The following RAB3GAP2 variants were observed in gnomAD, a reference collection of about 807,000 sequenced individuals.
RAB3GAP2 encodes RAB3 GTPase activating non-catalytic protein subunit 2.
In RAB3GAP2, 87 loss-of-function variants were observed where a neutral mutation model predicts 185.3. That is an observed-to-expected ratio of 0.47 (90% CI 0.39 to 0.56). The LOEUF (loss-of-function observed/expected upper bound fraction) is 0.56. Among genes scored for constraint, RAB3GAP2 ranks in the 20% least tolerant of loss-of-function variants. The pLI is 0.00. For missense variants in RAB3GAP2, 1,492 were observed against 1,638.2 expected (o/e 0.91, Z 1.54); for synonymous variants, 554 against 576.1 (o/e 0.96, Z 0.55).
At chr1:220,246,376 T>A (rs922201366) in intron 1 of RAB3GAP2, among the ~76,000 whole-genome samples, 2 of 146,954 alleles carry the variant, frequency 1.4e-5, no homozygotes, top group African/African-American at 5.1e-5. Flanking sequence ...TCCTCAGGGA[T>A]CTAGAACTAG....
At chr1:220,184,299 A>C in intron 18 of RAB3GAP2, 136 bp from the exon 19 acceptor site, 1 of 711,294 alleles carries the variant, frequency 1.4e-6, no homozygotes, top group South Asian at 3.1e-5. Flanking sequence ...TGCTTAAGCT[A>C]TACCAGGTTT....
intron 1 of RAB3GAP2, among the ~76,000 whole-genome samples, chr1:220,265,522 A>C (rs1660212777): frequency 6.6e-6 from 1 of 152,016 alleles, no homozygotes; most frequent in African/African-American, 2.4e-5. Flanking sequence ...TTTTTGCCCA[A>C]CCCAACTGTA....
rs1436202662 is a variant in RAB3GAP2, at chr1:220,158,845, G to A, written c.3261+541C>T. On this transcript the variant is annotated intron_variant, in intron 29 of 34. Transcript: ENST00000358951. The surrounding 1 kb of genome is among the most constrained non-coding windows in gnomAD (Gnocchi z 4.3). ...CACACACACATGCATGCACACACAC[G>A]TACACACTCTAGTCATACAACCATT... 1.3e-5 allele frequency among the ~76,000 whole-genome samples: 2 copies of A among 152,046 alleles called. No individual in the cohort carries two copies. The highest frequency in any genetic ancestry group is 1.9e-4 in the East Asian group (1 of 5,202).
chr1:220,157,006 AT>A (rs1234312024), intron 31 of RAB3GAP2, among the ~76,000 whole-genome samples: 1 of 152,060 alleles, frequency 6.6e-6, no homozygotes, highest in African/African-American at 2.4e-5. Context: ...AGGCCTAGAG[AT>A]ATATAAGAGG....
At chr1:220,253,973 A>G in intron 1 of RAB3GAP2, 2 of 1,613,796 alleles carry the variant, frequency 1.2e-6, no homozygotes, top group Admixed American at 1.7e-5. Flanking sequence ...CCTCCTTGGA[A>G]GAAAAGGGCC....
intron 1 of RAB3GAP2, among the ~76,000 whole-genome samples, chr1:220,243,295 AGT>A (rs1659732948): frequency 6.6e-6 from 1 of 151,120 alleles, no homozygotes; most frequent in Admixed American, 6.6e-5. Context: ...CAGAGCTTGC[AGT>A]AAGCCGAGAT....
chr1:220,216,105 A>T (rs1184531532), intron 2 of RAB3GAP2, among the ~76,000 whole-genome samples: 2 of 152,120 alleles, frequency 1.3e-5, no homozygotes, highest in Non-Finnish European at 2.9e-5. Context: ...CCCCAAAATG[A>T]GCCTGAAACC....
chr1:220,175,288 G>A (rs1462221869), intron 21 of RAB3GAP2, among the ~76,000 whole-genome samples: 5 of 151,670 alleles, frequency 3.3e-5, no homozygotes, highest in East Asian at 1.9e-4. Context: ...GTGCAGTGGC[G>A]CGATCTTGGC....
chr1:220,253,094 T>C (rs1399045732), intron 1 of RAB3GAP2, among the ~76,000 whole-genome samples: 13 of 152,142 alleles, frequency 8.5e-5, no homozygotes, highest in Admixed American at 7.9e-4. Context: ...CTGTGGAGAA[T>C]AGACAGTTTA....
chr1:220,245,857 G>A (rs375181051), intron 1 of RAB3GAP2, among the ~76,000 whole-genome samples: 195 of 152,296 alleles, frequency 1.3e-3, no homozygotes, highest in South Asian at 6.2e-3. Flanking sequence ...TGGGTCCCTG[G>A]CCCCTGACCC....
intron 2 of RAB3GAP2, among the ~76,000 whole-genome samples, chr1:220,216,187 T>C (rs1443937516): frequency 1.3e-5 from 2 of 152,136 alleles, no homozygotes; most frequent in African/African-American, 4.8e-5. Context: ...GGAACTTTTT[T>C]CTCAAGCAAA....
Position 220,271,810 on chromosome 1 carries a change from G to A in RAB3GAP2, c.115+413C>T, listed in dbSNP as rs542414678. On this transcript the variant is annotated intron_variant, in intron 1 of 34. Transcript: ENST00000358951. Reference sequence around the variant, plus strand: ...CAATACCAGAGTGGAGCGCTGACATGTGGCAAGGAACGGGGAGGATGCGAT... The same window carrying A: ...CAATACCAGAGTGGAGCGCTGACATATGGCAAGGAACGGGGAGGATGCGAT... 4.6e-4 allele frequency among the ~76,000 whole-genome samples: 70 copies of A among 151,956 alleles called. 4 individuals carry two copies. The South Asian group carries it at 0.014, about 31-fold the overall frequency.
chr1:220,216,217 C>T (rs916904812), intron 2 of RAB3GAP2, among the ~76,000 whole-genome samples: 1 of 152,150 alleles, frequency 6.6e-6, no homozygotes, highest in African/African-American at 2.4e-5. Context: ...GGAGGCTGCA[C>T]CATCTCCCGA....
chr1:220,151,140 G>GA lies in RAB3GAP2; in HGVS notation c.*110dup, dbSNP rs202060433. ...TATACTTTTATTTATTTTACAAAAG[G>GA]AAAAAAAAAGACATACTTTTCCCAT... On this transcript the variant is annotated 3_prime_UTR_variant, in exon 35 of 35. Transcript: ENST00000358951. The GA allele has an allele frequency of 8.5e-4, 974 of 1,140,040 alleles. No homozygotes were observed. The highest frequency in any genetic ancestry group is 1.0e-3 in the Non-Finnish European group (815 of 802,630). The allele number at this position is 1,140,040 out of a possible 1,614,324, so 70.6% of individuals were successfully genotyped here.
rs769287017 is a variant in RAB3GAP2 at position 220,149,631 on chromosome 1, A to AGAC, written c.*1617_*1619dup. 6.6e-6 allele frequency: 1 copy of AGAC among 152,248 alleles called. No individual in the cohort carries two copies. The highest frequency in any genetic ancestry group is 1.9e-4 in the East Asian group (1 of 5,206). 9.4% of individuals were successfully genotyped at this position (152,248 alleles called of 1,614,324 possible). On this transcript the variant is annotated 3_prime_UTR_variant, in exon 35 of 35. Transcript: ENST00000358951. ...AGGATGTGTGTGGCTGGGGCAGCGG[A>AGAC]GACCCAAGCAGAGGCTGGGAGGTTG... is the stretch of plus-strand genomic sequence containing the variant.
At chr1:220,154,367 C>T (rs1030202682) in intron 31 of RAB3GAP2, 20 of 290,628 alleles carry the variant, frequency 6.9e-5, no homozygotes, top group Non-Finnish European at 1.2e-4. Context: ...GACCACGTTC[C>T]AAAAGACTGC....
intron 1 of RAB3GAP2, among the ~76,000 whole-genome samples, chr1:220,262,902 C>T (rs185656326): frequency 2.6e-4 from 39 of 151,814 alleles, no homozygotes; most frequent in Middle Eastern, 3.4e-3. Context: ...AATGGCTGTA[C>T]CATCTTATCA....
intron 21 of RAB3GAP2, among the ~76,000 whole-genome samples, chr1:220,175,366 G>A (rs557805678): frequency 6.6e-6 from 1 of 151,930 alleles, no homozygotes; most frequent in Non-Finnish European, 1.5e-5. Flanking sequence ...CTACAGGCGC[G>A]AGCCACCATG....
intron 1 of RAB3GAP2, among the ~76,000 whole-genome samples, chr1:220,269,987 A>G (rs1304273384): frequency 6.6e-6 from 1 of 152,148 alleles, no homozygotes; most frequent in Admixed American, 6.5e-5. Context: ...TTGAAATAGT[A>G]TATTTCACTT....
Sources: gnomAD v4.1 joint callset for allele counts (sites outside exome capture counted in the v4.1 genomes callset) on GRCh38, gnomAD v4.1.1 for gene constraint, Gnocchi (gnomAD v3.1) non-coding constraint, MANE v1.5 for transcripts, NCBI Gene and HGNC (gene_info 2026-07-23, HGNC 2026-07-21) for gene names.